RBFOX1: variants seen among roughly 807,000 people sequenced by gnomAD.
RBFOX1 encodes the protein RNA binding protein fox-1 homolog 1.
RBFOX1 carries 8 observed loss-of-function variants against 57.7 expected under a neutral mutation model. The observed-to-expected ratio is 0.14, with a 90% CI of 0.08 to 0.25. RBFOX1 has a LOEUF of 0.25. Among genes scored for constraint, RBFOX1 ranks in the 10% least tolerant of loss-of-function variants. The probability of loss-of-function intolerance (pLI) is 1.00; values close to 1 mark genes in which losing one functional copy is unlikely to be tolerated. For synonymous variants in RBFOX1, 326 were observed against 222.4 expected, an observed-to-expected ratio of 1.47 and a Z score of -4.15; for missense variants, 611 against 548.5, an observed-to-expected ratio of 1.11 and a Z score of -1.14.
At chr16:6,199,787 A>C (rs2097203551) in intron 1 of RBFOX1, among the ~76,000 whole-genome samples, 1 of 152,172 alleles carries the variant, frequency 6.6e-6, no homozygotes, top group Non-Finnish European at 1.5e-5. Flanking sequence ...TATTTTTAAA[A>C]ATCTGTATGG....
chr16:7,682,109 T>C (rs1428599301), intron 14 of RBFOX1, among the ~76,000 whole-genome samples: 1 of 152,172 alleles, frequency 6.6e-6, no homozygotes, highest in Non-Finnish European at 1.5e-5. Flanking sequence ...TTCTTCCTTC[T>C]CACATGCTGT....
chr16:5,573,199 T>C (rs186120013), intron 2 of RBFOX1, among the ~76,000 whole-genome samples: 1 of 152,208 alleles, frequency 6.6e-6, no homozygotes, highest in Admixed American at 6.5e-5. Flanking sequence ...ACTGTTAGGG[T>C]TGACTCCAGG....
intron 3 of RBFOX1, among the ~76,000 whole-genome samples, chr16:6,674,105 A>T (rs9929593): frequency 6.6e-6 from 1 of 152,076 alleles, no homozygotes; most frequent in Non-Finnish European, 1.5e-5. Flanking sequence ...ACACCATTCA[A>T]ATTGGCTTAA....
At chr16:7,648,816 A>T (rs1378022681) in intron 11 of RBFOX1, among the ~76,000 whole-genome samples, 2 of 152,214 alleles carry the variant, frequency 1.3e-5, no homozygotes, top group Non-Finnish European at 2.9e-5. Flanking sequence ...GCCATCGAGG[A>T]GAATTTAAAT....
Position 6,450,824 on chromosome 16 carries a change from T to TATGTATATAC in RBFOX1, c.-64+133769_-64+133770insGTATATACAT, listed in dbSNP as rs1179309089. On this transcript the variant is annotated intron_variant, in intron 2 of 15. Coordinates refer to ENST00000550418, the MANE Select transcript of RBFOX1 (RefSeq NM_018723.4). ...ATGTATATATATATATATACATATATATATATATATATGTGTATATATATA... is the reference window on the plus strand; with the variant it reads ...ATGTATATATATATATATACATATATATGTATATACATATATATATATGTGTATATATATA... Among the ~76,000 whole-genome samples, 57 of 33,242 alleles carry TATGTATATAC rather than the reference T, an allele frequency of 1.7e-3. 9 individuals are homozygous for TATGTATATAC. The highest frequency in any genetic ancestry group is 6.4e-3 in the African/African-American group (41 of 6,370). The allele number at this position is 33,242 out of a possible 152,430, so 21.8% of individuals were successfully genotyped here.
intron 1 of RBFOX1, among the ~76,000 whole-genome samples, chr16:5,378,715 C>T (rs963655302): frequency 7.3e-5 from 11 of 151,512 alleles, no homozygotes; most frequent in Admixed American, 3.3e-4. Context: ...CGGATATTCC[C>T]ATGACTTACG....
intron 3 of RBFOX1, among the ~76,000 whole-genome samples, chr16:6,876,836 A>T (rs942381710): frequency 3.9e-5 from 6 of 152,194 alleles, no homozygotes; most frequent in Admixed American, 3.9e-4. Context: ...TGGATTTCAG[A>T]TGTGAGCAAT....
chr16:6,916,707 C>G (rs1005387315), intron 3 of RBFOX1, among the ~76,000 whole-genome samples: 4 of 152,104 alleles, frequency 2.6e-5, no homozygotes, highest in African/African-American at 7.2e-5. Flanking sequence ...TATGCCCATT[C>G]CTACTTAAAA....
intron 1 of RBFOX1, among the ~76,000 whole-genome samples, chr16:6,259,600 C>T (rs376340520): frequency 6.0e-4 from 92 of 152,120 alleles, no homozygotes; most frequent in African/African-American, 2.2e-3. Context: ...CCAGTAGCGA[C>T]GAAAGTGCAA....
chr16:7,510,773 A>G (rs1251929048), intron 4 of RBFOX1, among the ~76,000 whole-genome samples: 9 of 152,162 alleles, frequency 5.9e-5, no homozygotes, highest in African/African-American at 2.2e-4. Context: ...ACTGCAAGCA[A>G]CCATCAAGAA....
chr16:5,834,365 T>C (rs2056381913), intron 3 of RBFOX1, among the ~76,000 whole-genome samples: 1 of 152,348 alleles, frequency 6.6e-6, no homozygotes, highest in East Asian at 1.9e-4. Flanking sequence ...TGATTTTCCA[T>C]TCCTGAGTTA....
intron 4 of RBFOX1, among the ~76,000 whole-genome samples, chr16:5,870,178 A>G (rs1167954964): frequency 2.7e-5 from 4 of 149,748 alleles, no homozygotes; most frequent in African/African-American, 9.8e-5. Flanking sequence ...TAAACAGACA[A>G]CATTCATCTC....
chr16:6,282,869 C>G (rs187813876), intron 1 of RBFOX1, among the ~76,000 whole-genome samples: 1 of 152,166 alleles, frequency 6.6e-6, no homozygotes, highest in South Asian at 2.1e-4. Context: ...TTGCCAACTA[C>G]TTCATTAAGT....
chr16:5,980,136 C>G (rs1285347353), intron 4 of RBFOX1, among the ~76,000 whole-genome samples: 2 of 152,214 alleles, frequency 1.3e-5, no homozygotes, highest in African/African-American at 4.8e-5. Flanking sequence ...AAACTGCAAT[C>G]TTAGCTATCA....
In RBFOX1 at chr16:6,810,288, C is replaced by G. The variant is rs557948556; in HGVS notation, c.-16+155638C>G. 2.0e-5 allele frequency among the ~76,000 whole-genome samples: 3 copies of G among 152,188 alleles called. No individual in the cohort carries two copies. The South Asian group carries it at 6.2e-4, about 32-fold the overall frequency. ...TTTTGTGATTCAAATTGGTCTGTCA[C>G]TGAAATTATTCTGAAAGGTTAAATG... On this transcript the variant is annotated intron_variant, in intron 3 of 15. Transcript: ENST00000550418.
chr16:6,957,344 G>C (rs1448790116), intron 3 of RBFOX1, among the ~76,000 whole-genome samples: 1 of 152,016 alleles, frequency 6.6e-6, no homozygotes, highest in Admixed American at 6.6e-5. Flanking sequence ...TGTTAGCCAG[G>C]ATGGTCTCGA....
chr16:5,640,015 G>C (rs1056924834), intron 3 of RBFOX1, among the ~76,000 whole-genome samples: 3 of 152,164 alleles, frequency 2.0e-5, no homozygotes, highest in Non-Finnish European at 4.4e-5. Flanking sequence ...TTTTCCCCGT[G>C]GTGCTGGGTG....
chr16:7,570,638 C>G (rs1439206476), intron 5 of RBFOX1, among the ~76,000 whole-genome samples: 1 of 152,172 alleles, frequency 6.6e-6, no homozygotes, highest in Admixed American at 6.5e-5. Context: ...TATTCCTTCC[C>G]TGAATGTACA....
intron 3 of RBFOX1, among the ~76,000 whole-genome samples, chr16:6,710,364 A>T (rs1173435432): frequency 5.3e-5 from 8 of 152,322 alleles, no homozygotes; most frequent in Admixed American, 4.6e-4. Flanking sequence ...AATGCATTTT[A>T]TTTAACCCAA....
Sources: allele counts gnomAD v4.1 joint callset (sites outside exome capture counted in the v4.1 genomes callset), GRCh38; gene constraint gnomAD v4.1.1; transcripts MANE v1.5; gene names NCBI Gene and HGNC (gene_info 2026-07-23, HGNC 2026-07-21).